The following INTS6L variants were observed in gnomAD, a reference collection of about 807,000 sequenced individuals.
INTS6L encodes integrator complex subunit 6 like.
A neutral mutation model predicts 64.7 loss-of-function variants in INTS6L; 18 were observed. The ratio of observed to expected loss-of-function variants is 0.28; its 90% confidence interval spans 0.19 to 0.41. The LOEUF (loss-of-function observed/expected upper bound fraction) is 0.41, where lower values mean the gene tolerates loss of function less well. Ranked by LOEUF, INTS6L falls within the 10% of genes least tolerant of loss-of-function variation. INTS6L has a pLI of 1.00. For synonymous variants in INTS6L, 227 were observed against 235.9 expected, an observed-to-expected ratio of 0.96 and a Z score of 0.34; for missense variants, 533 against 661.0, an observed-to-expected ratio of 0.81 and a Z score of 2.12.
At chrX:135,552,174 G>A (rs1303872102) in intron 8 of INTS6L, 28 bp downstream of exon 8, 10 of 1,124,286 alleles carry the variant, frequency 8.9e-6, no homozygotes, top group Non-Finnish European at 1.2e-5. Context: ...TTAGCTAAAT[G>A]TCTGTAACCA....
intron 9 of INTS6L, 69 bp from the exon 10 acceptor site, chrX:135,569,268 T>C (rs782269115): frequency 8.0e-6 from 5 of 628,252 alleles, no homozygotes; most frequent in East Asian, 7.9e-5. Context: ...AGTTTCTAGA[T>C]GTGGGTTGCT....
At chrX:135,564,852 A>G (rs1363272975) in intron 9 of INTS6L, among the ~76,000 whole-genome samples, 1 of 111,114 alleles carries the variant, frequency 9.0e-6, no homozygotes, top group African/African-American at 3.3e-5. Context: ...CTTCTGTTTT[A>G]ACTTACTTCC....
intron 8 of INTS6L, among the ~76,000 whole-genome samples, chrX:135,555,360 T>G (rs1377023030): frequency 8.9e-6 from 1 of 111,785 alleles, no homozygotes; most frequent in East Asian, 2.8e-4. Context: ...CAAAGATGCA[T>G]GGAGCAAAGA....
chrX:135,524,453 T>G (rs1250831799), intron 2 of INTS6L, among the ~76,000 whole-genome samples: 1 of 111,171 alleles, frequency 9.0e-6, no homozygotes, highest in Non-Finnish European at 1.9e-5. Flanking sequence ...TATGAGTGTT[T>G]TTTTTTTTTA....
chrX:135,546,306 G>A (rs1483383893), intron 3 of INTS6L, 74 bp from the exon 4 acceptor site: 13 of 643,518 alleles, frequency 2.0e-5, no homozygotes, highest in Non-Finnish European at 2.4e-5. Flanking sequence ...GAGATCATTG[G>A]CAAGGCAAAT....
chrX:135,522,097 C>T (rs983568865), intron 2 of INTS6L, among the ~76,000 whole-genome samples: 1 of 111,571 alleles, frequency 9.0e-6, no homozygotes, highest in Non-Finnish European at 1.9e-5. Flanking sequence ...GTTTCTGCTC[C>T]GGAATTGGCC....
At chrX:135,565,923 G>A (rs1164156118) in intron 9 of INTS6L, among the ~76,000 whole-genome samples, 1 of 112,097 alleles carries the variant, frequency 8.9e-6, no homozygotes, top group Admixed American at 9.5e-5. Flanking sequence ...TGTAACCTGT[G>A]TTTTCTGAGG....
intron 9 of INTS6L, among the ~76,000 whole-genome samples, chrX:135,561,411 A>G (rs1556522218): frequency 8.9e-6 from 1 of 112,171 alleles, no homozygotes; most frequent in Non-Finnish European, 1.9e-5. Context: ...CTTTTCATAT[A>G]TATTACTGAG....
chrX:135,542,761 A>G (rs1556513345), intron 2 of INTS6L, among the ~76,000 whole-genome samples: 1 of 111,367 alleles, frequency 9.0e-6, no homozygotes, highest in Non-Finnish European at 1.9e-5. Context: ...TATACCTTGA[A>G]CTACCACATG....
Position 135,549,743 on chromosome X carries a change from G to A in INTS6L, c.844G>A (p.Val282Ile), listed in dbSNP as rs143969096. ...TGTACGACCTAACTCTAAAACTGGT[G>A]TTCCTGTTGGACATTGGCCAATTCC... ...IYVRPNSKTG[V>I]PVGHWPIPES... The change falls in exon 7 of 18, where the codon GTT (valine) becomes ATT (isoleucine). Residue 282 changes from valine to isoleucine, a missense_variant. Coordinates refer to ENST00000639893, the MANE Select transcript of INTS6L (RefSeq NM_001351601.3). 25 of 1,210,801 alleles carry A rather than the reference G, an allele frequency of 2.1e-5. No homozygotes were observed. In the African/African-American group the frequency reaches 4.0e-4, roughly 19 times the overall value.
intron 8 of INTS6L, among the ~76,000 whole-genome samples, chrX:135,553,907 G>A (rs1309375059): frequency 1.8e-5 from 2 of 111,782 alleles, no homozygotes; most frequent in Non-Finnish European, 3.8e-5. Flanking sequence ...CTTAAGAAAT[G>A]CTGTCCTTGC....
Position 135,578,803 on chromosome X carries a change from C to T in INTS6L, c.2120-985C>T, listed in dbSNP as rs567754527. Among the ~76,000 whole-genome samples, 6 of 111,870 alleles carry T rather than the reference C, an allele frequency of 5.4e-5. No homozygotes were observed. The East Asian group carries it at 1.4e-3, about 26-fold the overall frequency. The stretch of plus-strand genomic sequence containing the variant: ...CTACAATACCTTCTTATCCCAGCTT[C>T]ATGTTTCTAATCTAGCCCCCATCTA... On this transcript the variant is annotated intron_variant, in intron 15 of 17. Transcript: ENST00000639893.
chrX:135,527,897 T>A (rs2085783902), intron 2 of INTS6L, among the ~76,000 whole-genome samples: 1 of 110,733 alleles, frequency 9.0e-6, no homozygotes, highest in Non-Finnish European at 1.9e-5. Flanking sequence ...GCAGATATTT[T>A]TTCTTTTCAG....
At position 135,574,034 on chromosome X, in the gene INTS6L, G is replaced by T. The variant is rs1454618213; in HGVS notation, c.1713G>T (p.Thr571=). 1 of 1,198,723 alleles carries T rather than the reference G, an allele frequency of 8.3e-7. No homozygotes were observed. Among genetic ancestry groups the T allele is most frequent in the East Asian group, 3.0e-5 (1 of 33,385 alleles). Residue 571 remains threonine, a synonymous_variant, in exon 13 of 18, where the codon ACG becomes ACT. Coordinates refer to ENST00000639893, the MANE Select transcript of INTS6L (RefSeq NM_001351601.3). ...GAATGAGATCCAATCTGCTGAAAAC[G>T]CACAAGTTTATTGTTGGACAAGATG... ...LTRMRSNLLK[T]HKFIVGQDED... is the part of the protein sequence containing the mutation.
At chrX:135,555,141 G>A (rs555518263) in intron 8 of INTS6L, among the ~76,000 whole-genome samples, 6 of 110,610 alleles carry the variant, frequency 5.4e-5, no homozygotes, top group African/African-American at 2.0e-4. Context: ...CGCCCGCCTC[G>A]GCCTCCCGAA....
At chrX:135,526,247 T>C (rs781806615) in intron 2 of INTS6L, among the ~76,000 whole-genome samples, 35 of 111,701 alleles carry the variant, frequency 3.1e-4, no homozygotes, top group African/African-American at 1.1e-3. Flanking sequence ...GATTGGTCAT[T>C]CTTTAAATAA....
chrX:135,549,769 A>G lies in INTS6L; in HGVS notation c.870A>G (p.Pro290=). 8.2e-7 allele frequency: 1 copy of G among 1,212,129 alleles called. No individual in the cohort carries two copies. Among genetic ancestry groups the G allele is most frequent in the Non-Finnish European group, 1.1e-6 (1 of 895,521 alleles). ...TGVPVGHWPI[P]ESFWPDQNLP... ...TTCCTGTTGGACATTGGCCAATTCC[A>G]GAATCTTTTTGGCCAGATCAGAATT... is the stretch of plus-strand genomic sequence containing the variant. The change falls in exon 7 of 18, where the codon CCA becomes CCG. Residue 290 remains proline, a synonymous_variant. Transcript: ENST00000639893.
At chrX:135,534,232 T>G (rs994778181) in intron 2 of INTS6L, among the ~76,000 whole-genome samples, 13 of 108,895 alleles carry the variant, frequency 1.2e-4, no homozygotes, top group African/African-American at 4.4e-4. Context: ...ATACTAGATA[T>G]TAATTTAAAG....
Position 135,549,858 on chromosome X carries a change from G to A in INTS6L, c.906+53G>A, listed in dbSNP as rs2086453347. The A allele has an allele frequency of 2.6e-6, 3 of 1,171,499 alleles. No homozygotes were observed. In the Admixed American group the frequency reaches 6.7e-5, roughly 26 times the overall value. ...CATCATTCTGGATTTTCAATTTTCT[G>A]ATTACAGTGAACCTTTTAAAATAGC... On this transcript the variant is annotated intron_variant, in intron 7 of 17. Coordinates refer to ENST00000639893, the MANE Select transcript of INTS6L (RefSeq NM_001351601.3).
Sources: gnomAD v4.1 joint callset for allele counts (sites outside exome capture counted in the v4.1 genomes callset) on GRCh38, gnomAD v4.1.1 for gene constraint, MANE v1.5 for transcripts, NCBI Gene and HGNC (gene_info 2026-07-23, HGNC 2026-07-21) for gene names.